Variants in HELZ observed in about 807,000 individuals in gnomAD.
The protein encoded by HELZ is ATP-dependent RNA helicase with zinc finger domain.
In HELZ, 23 loss-of-function variants were observed where a neutral mutation model predicts 218.2. The observed-to-expected ratio is 0.11, with a 90% CI of 0.08 to 0.15. The LOEUF is 0.15. HELZ is among the 10% of genes least tolerant of loss of function. The pLI is 1.00. For synonymous variants in HELZ, 814 were observed against 829.4 expected (o/e 0.98, Z 0.32); for missense variants, 1,813 against 2,353.7 (o/e 0.77, Z 4.75).
intron 4 of HELZ, among the ~76,000 whole-genome samples, chr17:67,216,354 G>A (rs1222481358): frequency 6.6e-6 from 1 of 152,108 alleles, no homozygotes; most frequent in Non-Finnish European, 1.5e-5. Flanking sequence ...ACCTACGCCT[G>A]TGCAGATCAA....
chr17:67,185,152 G>A (rs2039720772), intron 12 of HELZ, among the ~76,000 whole-genome samples: 1 of 152,144 alleles, frequency 6.6e-6, no homozygotes, highest in South Asian at 2.1e-4. Flanking sequence ...GTCTCTGAAT[G>A]TTGTCCACAC....
At chr17:67,226,245 G>T (rs1045862709) in intron 3 of HELZ, among the ~76,000 whole-genome samples, 2 of 135,414 alleles carry the variant, frequency 1.5e-5, no homozygotes, top group Non-Finnish European at 3.1e-5. Flanking sequence ...GCAACAGGGT[G>T]AGACTCCATC....
intron 3 of HELZ, among the ~76,000 whole-genome samples, chr17:67,227,918 C>A (rs2040937536): frequency 6.6e-6 from 1 of 152,136 alleles, no homozygotes; most frequent in Non-Finnish European, 1.5e-5. Context: ...CCTTTGTTAA[C>A]AGAGAGACTT....
intron 5 of HELZ, among the ~76,000 whole-genome samples, chr17:67,206,486 C>A (rs1250393328): frequency 4.6e-5 from 7 of 152,156 alleles, no homozygotes. Flanking sequence ...AAATGCAATT[C>A]CCTTTGCTTG....
intron 3 of HELZ, among the ~76,000 whole-genome samples, chr17:67,232,359 G>C (rs1049771700): frequency 5.9e-5 from 9 of 152,036 alleles, no homozygotes; most frequent in African/African-American, 2.2e-4. Flanking sequence ...TCACCATGTC[G>C]GCCAGGCCGG....
In HELZ at chr17:67,160,780, T is replaced by A. The variant is rs1305056911; in HGVS notation, c.2075+117A>T. 4.1e-6 allele frequency: 3 copies of A among 725,770 alleles called. No homozygotes were observed. The Admixed American group carries it at 1.1e-4, about 26-fold the overall frequency. The allele number at this position is 725,770 out of a possible 1,614,324, so 45.0% of individuals were successfully genotyped here. On this transcript the variant is annotated intron_variant, in intron 16 of 32. Coordinates refer to ENST00000358691, the MANE Select transcript of HELZ (RefSeq NM_014877.4). ...GATTTACGGCTTTTCCTTTTCTCTT[T>A]TTTTCATGTTTAAGAGCTGCATGAA...
At chr17:67,080,273 T>C (rs957647400) in intron 32 of HELZ, among the ~76,000 whole-genome samples, 4 of 152,218 alleles carry the variant, frequency 2.6e-5, no homozygotes, top group Non-Finnish European at 4.4e-5. Context: ...CTTTTGTGCA[T>C]TGAAATCTGT....
At chr17:67,213,478 C>T (rs1225699074) in intron 5 of HELZ, among the ~76,000 whole-genome samples, 3 of 151,948 alleles carry the variant, frequency 2.0e-5, no homozygotes, top group African/African-American at 4.8e-5. Context: ...AAAAATTAGC[C>T]GGGCATGTTG....
rs2041448780 is a variant in HELZ, at chr17:67,245,155, T to G, written c.-139A>C. 8.1e-6 allele frequency: 8 copies of G among 985,058 alleles called. No homozygotes were observed. The highest frequency in any genetic ancestry group is 9.6e-6 in the Non-Finnish European group (8 of 829,864). The allele number at this position is 985,058 out of a possible 1,614,324, so 61.0% of individuals were successfully genotyped here. On this transcript the variant is annotated 5_prime_UTR_variant, in exon 1 of 33. Transcript: ENST00000358691. ...GGGGAAGTCAGGACTTACCTGTCAT[T>G]ACTTTCTACGCCATCTTGGATCCAC...
chr17:67,173,887 G>A (rs2039379543), intron 13 of HELZ, among the ~76,000 whole-genome samples: 1 of 152,212 alleles, frequency 6.6e-6, no homozygotes, highest in African/African-American at 2.4e-5. Context: ...CATGCCAGCT[G>A]TTAGCACTGA....
Position 67,245,147 on chromosome 17 carries a change from C to T in HELZ, c.-132+1G>A, listed in dbSNP as rs1479462536. ...CAGAGAAGGGGGAAGTCAGGACTTA[C>T]CTGTCATTACTTTCTACGCCATCTT... On this transcript the variant is annotated splice_donor_variant, in intron 1 of 32. Transcript: ENST00000358691. LOFTEE classifies it low-confidence loss of function (5UTR_SPLICE). The T allele has an allele frequency of 6.1e-6, 6 of 985,106 alleles. No individual in the cohort carries two copies. Among genetic ancestry groups the T allele is most frequent in the Non-Finnish European group, 7.2e-6 (6 of 829,928 alleles). The allele number at this position is 985,106 out of a possible 1,614,324, so 61.0% of individuals were successfully genotyped here. A position where few individuals can be genotyped will look rare whatever the true frequency, so the allele number is the denominator to read the frequency against.
chr17:67,103,853 T>C (rs1285526726), intron 31 of HELZ, among the ~76,000 whole-genome samples: 1 of 152,144 alleles, frequency 6.6e-6, no homozygotes, highest in Non-Finnish European at 1.5e-5. Flanking sequence ...CTTACTACAA[T>C]ACTACAGTGT....
Position 67,087,068 on chromosome 17 carries a change from C to T in HELZ, c.5255G>A (p.Gly1752Glu). ...TCTTTGGTACAAGGGCCGACCAGGT[C>T]CTCTGGGCTCATACTACACAAAGAA... ...LPSLEEYEPR[G>E]PGRPLYQRRI... Residue 1752 changes from glycine to glutamate, a missense_variant, in exon 32 of 33, where the codon GGA becomes GAA. This residue lies in a region of HELZ where 938 missense variants were observed against 1,027.5 expected (regional missense o/e 0.91). Transcript: ENST00000358691. 1 of 1,614,024 alleles carries T rather than the reference C, an allele frequency of 6.2e-7. No individual in the cohort carries two copies. The highest frequency in any genetic ancestry group is 8.5e-7 in the Non-Finnish European group (1 of 1,179,942).
intron 3 of HELZ, among the ~76,000 whole-genome samples, chr17:67,234,043 CAA>C (rs551566138): frequency 1.8e-4 from 18 of 98,648 alleles, no homozygotes; most frequent in Admixed American, 2.2e-4. Context: ...GACTCCATCT[CAA>C]AAAAAAAAAA....
chr17:67,171,428 T>C (rs763297981), intron 13 of HELZ, among the ~76,000 whole-genome samples: 7 of 152,150 alleles, frequency 4.6e-5, no homozygotes, highest in Non-Finnish European at 8.8e-5. Flanking sequence ...CAACCAAAAA[T>C]CAAGTCATCC....
intron 31 of HELZ, among the ~76,000 whole-genome samples, chr17:67,100,299 C>T (rs973180207): frequency 2.3e-4 from 35 of 152,206 alleles, no homozygotes; most frequent in African/African-American, 8.2e-4. Flanking sequence ...AACCAACACA[C>T]AGAACAAGAA....
intron 15 of HELZ, among the ~76,000 whole-genome samples, chr17:67,163,024 A>C (rs1044467322): frequency 3.9e-5 from 6 of 152,230 alleles, no homozygotes; most frequent in Middle Eastern, 6.8e-3. Context: ...ATACCTGACC[A>C]CTGTGATTCT....
intron 18 of HELZ, 145 bp from the exon 19 acceptor site, chr17:67,150,130 CTTTTTTTT>C: frequency 1.2e-4 from 21 of 178,732 alleles, no homozygotes; most frequent in Admixed American, 2.3e-4. Flanking sequence ...TATTTTCTTT[CTTTTTTTT>C]TTTTTTTTTT....
intron 25 of HELZ, among the ~76,000 whole-genome samples, chr17:67,123,703 C>G (rs543515781): frequency 2.0e-4 from 30 of 151,874 alleles, no homozygotes; most frequent in Non-Finnish European, 4.1e-4. Context: ...TCCTCAAAAC[C>G]TCTGGATATG....
Sources: gnomAD v4.1 joint callset for allele counts (sites outside exome capture counted in the v4.1 genomes callset) on GRCh38, gnomAD v4.1.1 for gene constraint, gnomAD v4.1.1 regional missense constraint, MANE v1.5 for transcripts, NCBI Gene and HGNC (gene_info 2026-07-23, HGNC 2026-07-21) for gene names.